The following BUB1B variants were observed in gnomAD, a reference collection of about 807,000 sequenced individuals.
BUB1B encodes mitotic checkpoint serine/threonine-protein kinase BUB1 beta.
Under a neutral mutation model 137.7 loss-of-function variants are expected in BUB1B, and 86 were observed. The observed-to-expected ratio is 0.62, with a 90% CI of 0.52 to 0.75. The LOEUF is 0.75. Ranked by LOEUF, BUB1B falls within the 30% of genes least tolerant of loss-of-function variation. BUB1B has a pLI of 0.00. For synonymous variants in BUB1B, 420 were observed against 417.9 expected (o/e 1.00, Z -0.06); for missense variants, 1,130 against 1,236.9 (o/e 0.91, Z 1.30).
chr15:40,184,597 C>G (rs1412787303), intron 6 of BUB1B, among the ~76,000 whole-genome samples: 2 of 151,884 alleles, frequency 1.3e-5, no homozygotes, highest in Non-Finnish European at 1.5e-5. Context: ...TTTTTTTAAT[C>G]TCTTATTTCT....
chr15:40,212,549 G>A lies in BUB1B; in HGVS notation c.2436G>A (p.Lys812=). 1 of 1,613,028 alleles carries A rather than the reference G, an allele frequency of 6.2e-7. No individual in the cohort carries two copies. The highest frequency in any genetic ancestry group is 8.5e-7 in the Non-Finnish European group (1 of 1,179,260). ...ACTTTTATATCAACCTCAAGTTAAA[G>A]GAACGTTTAAATGAAGATTTTGATC... ...PWDFYINLKL[K]ERLNEDFDHF... is the part of the protein sequence containing the mutation. The change falls in exon 19 of 23, where the codon AAG becomes AAA. Residue 812 remains lysine (K), a synonymous_variant. Coordinates refer to ENST00000287598, the MANE Select transcript of BUB1B (RefSeq NM_001211.6).
chr15:40,201,254 G>A (rs1355666215), intron 12 of BUB1B, among the ~76,000 whole-genome samples: 1 of 151,968 alleles, frequency 6.6e-6, no homozygotes, highest in Non-Finnish European at 1.5e-5. Context: ...ACACTAAACA[G>A]CAAAGACACT....
intron 6 of BUB1B, among the ~76,000 whole-genome samples, chr15:40,184,463 T>C (rs566668303): frequency 5.8e-4 from 88 of 152,262 alleles, no homozygotes; most frequent in African/African-American, 2.0e-3. Flanking sequence ...AGCCACTGCA[T>C]CTGGACAACA....
chr15:40,200,773 C>G (rs2037558336), intron 11 of BUB1B, among the ~76,000 whole-genome samples, 158 bp from the exon 12 acceptor site: 1 of 152,100 alleles, frequency 6.6e-6, no homozygotes, highest in South Asian at 2.1e-4. Flanking sequence ...TTTTTGATAA[C>G]CAAAGCTTCC....
chr15:40,171,707 A>G (rs1208533994), intron 4 of BUB1B, among the ~76,000 whole-genome samples: 2 of 152,170 alleles, frequency 1.3e-5, no homozygotes, highest in Non-Finnish European at 2.9e-5. Flanking sequence ...CATCAACACA[A>G]AGAAGTGATA....
intron 12 of BUB1B, 101 bp downstream of exon 12, chr15:40,201,081 A>G (rs1203615679): frequency 1.9e-6 from 2 of 1,077,762 alleles, no homozygotes; most frequent in African/African-American, 1.6e-5. Flanking sequence ...ATTGAAAGAC[A>G]GGGGGACTAG....
chr15:40,199,738 T>C lies in BUB1B; in HGVS notation c.1401+11T>C. The C allele has an allele frequency of 1.3e-6, 2 of 1,594,000 alleles. No individual in the cohort carries two copies. Among genetic ancestry groups the C allele is most frequent in the Non-Finnish European group, 1.7e-6 (2 of 1,162,128 alleles). On this transcript the variant is annotated intron_variant, in intron 10 of 22. Transcript: ENST00000287598. ...AGAACAGGTGATCAGGTAATTTTTC[T>C]TTTTTCATACACAAAACTAGAATTT...
intron 5 of BUB1B, among the ~76,000 whole-genome samples, chr15:40,179,547 G>T (rs2037259603): frequency 6.6e-6 from 1 of 151,748 alleles, no homozygotes; most frequent in African/African-American, 2.4e-5. Context: ...CAAATAGTTG[G>T]GTCTTGTTTT....
intron 4 of BUB1B, among the ~76,000 whole-genome samples, chr15:40,171,751 A>T (rs887516356): frequency 6.6e-6 from 1 of 152,052 alleles, no homozygotes; most frequent in African/African-American, 2.4e-5. Flanking sequence ...GACTTTTTTC[A>T]CCTAGTATAT....
At chr15:40,188,135 C>T (rs563069576) in intron 8 of BUB1B, among the ~76,000 whole-genome samples, 31 of 152,208 alleles carry the variant, frequency 2.0e-4, no homozygotes, top group Admixed American at 1.8e-3. Flanking sequence ...GCAACCTCCA[C>T]CTCCTAAGTT....
intron 17 of BUB1B, 70 bp downstream of exon 17, chr15:40,209,845 C>T: frequency 6.4e-7 from 1 of 1,573,300 alleles, no homozygotes; most frequent in South Asian, 1.1e-5. Flanking sequence ...TGTACTTAAG[C>T]TTGATGCTTG....
Position 40,196,536 on chromosome 15 carries a change from CT to C in BUB1B, c.1059-7del, listed in dbSNP as rs770579508. ...ACCCATATGAATAATAGTAATTTTG[CT>C]TCTTTAGGACACCATGTAAAATTGA... On this transcript the variant is annotated splice_region_variant and splice_polypyrimidine_tract_variant and intron_variant, in intron 8 of 22. Transcript: ENST00000287598. 1.1e-4 allele frequency: 183 copies of C among 1,608,802 alleles called. No homozygotes were observed. The African/African-American group carries it at 2.2e-3, about 20-fold the overall frequency.
intron 4 of BUB1B, among the ~76,000 whole-genome samples, chr15:40,175,004 G>A (rs559099139): frequency 9.9e-5 from 15 of 152,050 alleles, no homozygotes; most frequent in Admixed American, 5.2e-4. Flanking sequence ...GTGAATTTAG[G>A]GATTGTTTTT....
rs1445876024 is a variant in BUB1B at position 40,200,825 on chromosome 15, T to G, written c.1518-106T>G. On this transcript the variant is annotated intron_variant, in intron 11 of 22. Transcript: ENST00000287598. ...TTTGAATTGACAGTAATAATTTATC[T>G]TAGAGTAAATATTATATTTAATGGA... 5.5e-6 allele frequency: 5 copies of G among 916,732 alleles called. No individual in the cohort carries two copies. The East Asian group carries it at 1.3e-4, about 24-fold the overall frequency. The allele number at this position is 916,732 out of a possible 1,614,324, so 56.8% of individuals were successfully genotyped here.
chr15:40,220,224 T>G (rs2037878212), intron 22 of BUB1B, among the ~76,000 whole-genome samples: 1 of 152,256 alleles, frequency 6.6e-6, no homozygotes, highest in Admixed American at 6.5e-5. Flanking sequence ...GCCTTTTTAA[T>G]GACCTAGACT....
At chr15:40,186,305 T>C (rs2037359630) in intron 8 of BUB1B, among the ~76,000 whole-genome samples, 1 of 152,202 alleles carries the variant, frequency 6.6e-6, no homozygotes, top group Admixed American at 6.5e-5. Context: ...TTTTTCCTTC[T>C]GGACATATTT....
At chr15:40,200,102 T>G (rs563263129) in intron 10 of BUB1B, 142 bp from the exon 11 acceptor site, 7 of 712,028 alleles carry the variant, frequency 9.8e-6, no homozygotes, top group Non-Finnish European at 1.8e-5. Flanking sequence ...ATAAAAATTA[T>G]TGGAAATGAC....
Position 40,198,150 on chromosome 15 carries a change from A to G in BUB1B, c.1288+1376A>G, listed in dbSNP as rs947350914. Reference sequence around the variant, plus strand: ...GGTACATTTTGTTTTCAACTAGCCAAAGAAGGACCTACTCTAGATTACATG... The same window carrying G: ...GGTACATTTTGTTTTCAACTAGCCAGAGAAGGACCTACTCTAGATTACATG... On this transcript the variant is annotated intron_variant, in intron 9 of 22. Transcript: ENST00000287598. Among the ~76,000 whole-genome samples the G allele has an allele frequency of 7.9e-5, 12 of 152,266 alleles. 1 individual carries two copies. The highest frequency in any genetic ancestry group is 4.2e-4 in the South Asian group (2 of 4,814).
chr15:40,165,000 T>G (rs2037078537), intron 1 of BUB1B, 53 bp from the exon 2 acceptor site: 1 of 1,606,824 alleles, frequency 6.2e-7, no homozygotes, highest in Admixed American at 1.7e-5. Context: ...AATAATCTAG[T>G]GCTATAATAG....
Sources: gnomAD v4.1 joint callset for allele counts (sites outside exome capture counted in the v4.1 genomes callset) on GRCh38, gnomAD v4.1.1 for gene constraint, MANE v1.5 for transcripts, NCBI Gene and HGNC (gene_info 2026-07-23, HGNC 2026-07-21) for gene names.